Variants in SGCG observed in about 807,000 individuals in gnomAD.
The protein encoded by SGCG is gamma-sarcoglycan.
A neutral mutation model predicts 29.3 loss-of-function variants in SGCG; 26 were observed. The observed-to-expected ratio is 0.89, with a 90% CI of 0.65 to 1.23. The LOEUF (loss-of-function observed/expected upper bound fraction) is 1.23. Among genes scored for constraint, SGCG ranks in the 50% most tolerant of loss-of-function variants. SGCG has a pLI of 0.00. For missense variants in SGCG, 353 were observed against 356.0 expected, an observed-to-expected ratio of 0.99 and a Z score of 0.07; for synonymous variants, 145 against 129.7, an observed-to-expected ratio of 1.12 and a Z score of -0.80.
intron 1 of SGCG, among the ~76,000 whole-genome samples, chr13:23,196,672 T>C (rs1404045327): frequency 1.3e-5 from 2 of 152,186 alleles, no homozygotes; most frequent in African/African-American, 4.8e-5. Context: ...ATATTAACCT[T>C]GTCCTATCTT....
intron 2 of SGCG, among the ~76,000 whole-genome samples, chr13:23,214,430 A>G (rs545342466): frequency 1.3e-5 from 2 of 152,352 alleles, no homozygotes; most frequent in East Asian, 3.9e-4. Flanking sequence ...CAGGGAAAGC[A>G]ATATGTGGGA....
At chr13:23,187,215 ACT>A (rs1471765294) in intron 1 of SGCG, among the ~76,000 whole-genome samples, 3 of 152,052 alleles carry the variant, frequency 2.0e-5, no homozygotes, top group African/African-American at 7.2e-5. Flanking sequence ...TGGGTGAGCC[ACT>A]CTCGCTATGG....
At chr13:23,217,168 A>G (rs570276378) in intron 2 of SGCG, among the ~76,000 whole-genome samples, 6 of 152,092 alleles carry the variant, frequency 3.9e-5, no homozygotes, top group Non-Finnish European at 7.4e-5. Flanking sequence ...TTTATCCTCA[A>G]ATAGTTTCCT....
In SGCG at chr13:23,253,023, T is replaced by C. The variant is rs186404552; in HGVS notation, c.385+2306T>C. Among the ~76,000 whole-genome samples, 525 of 152,292 alleles carry C rather than the reference T, an allele frequency of 3.4e-3. 1 individual carries two copies. Among genetic ancestry groups the C allele is most frequent in the African/African-American group, 0.011 (459 of 41,564 alleles). ...TGTTCTAGTTGCTTCAAATATAGTT[T>C]CCATTTCATTTTTGTCACCAAGAAA... On this transcript the variant is annotated intron_variant, in intron 4 of 7. Transcript: ENST00000218867.
intron 6 of SGCG, among the ~76,000 whole-genome samples, chr13:23,304,658 C>T (rs1372274767): frequency 1.6e-4 from 24 of 151,868 alleles, no homozygotes. Flanking sequence ...GGCTGGAGTG[C>T]AGTGGCAGGA....
intron 6 of SGCG, among the ~76,000 whole-genome samples, chr13:23,307,578 A>T (rs907160132): frequency 2.6e-5 from 4 of 152,098 alleles, no homozygotes; most frequent in Non-Finnish European, 5.9e-5. Context: ...CTTTTAGGAG[A>T]TAGGTTCTAC....
At chr13:23,279,863 G>T (rs1338021564) in intron 5 of SGCG, among the ~76,000 whole-genome samples, 1 of 152,018 alleles carries the variant, frequency 6.6e-6, no homozygotes, top group African/African-American at 2.4e-5. Flanking sequence ...GAGTAGCTGA[G>T]ACTACAGGCA....
At chr13:23,184,942 T>A (rs1316657864) in intron 1 of SGCG, among the ~76,000 whole-genome samples, 1 of 152,230 alleles carries the variant, frequency 6.6e-6, no homozygotes, top group Non-Finnish European at 1.5e-5. Context: ...GCAGTGGGAC[T>A]ATGAGGATTA....
chr13:23,273,386 C>G (rs943804744), intron 4 of SGCG, among the ~76,000 whole-genome samples: 2 of 151,938 alleles, frequency 1.3e-5, no homozygotes, highest in Non-Finnish European at 2.9e-5. Flanking sequence ...GGTTTCACCA[C>G]GTTGGCCAGT....
chr13:23,169,843 A>G, the SGCG span: 3 of 152,228 alleles, frequency 2.0e-5, no homozygotes, highest in Admixed American at 6.5e-5. Flanking sequence ...GTTTTGAACA[A>G]CAAAGGCAAT....
intron 2 of SGCG, among the ~76,000 whole-genome samples, chr13:23,231,003 T>A (rs184820703): frequency 6.6e-6 from 1 of 152,338 alleles, no homozygotes; most frequent in Admixed American, 6.5e-5. Context: ...GAAAGGGTGT[T>A]GAATTTTATT....
chr13:23,180,547 A>T (rs1395132669), upstream of SGCG, among the ~76,000 whole-genome samples: 2 of 152,210 alleles, frequency 1.3e-5, no homozygotes, highest in African/African-American at 2.4e-5. Context: ...ACTAGTATAT[A>T]GGTAATAGTC....
rs775265377 is a variant in SGCG, at chr13:23,250,665, G to A, written c.333G>A (p.Val111=). 2.3e-5 allele frequency: 37 copies of A among 1,613,130 alleles called. No individual in the cohort carries two copies. The South Asian group carries it at 3.7e-4, about 16-fold the overall frequency. The change falls in exon 4 of 8, where the codon GTG becomes GTA. Residue 111 remains valine (V), a synonymous_variant. Transcript: ENST00000218867. ...TGCTTCTACAATCAACCCAGAATGT[G>A]ACTGTAAATGCGCGCAACTCAGAAG... ...SSLLLQSTQN[V]TVNARNSEGE... is the part of the protein sequence containing the mutation.
intron 2 of SGCG, among the ~76,000 whole-genome samples, chr13:23,215,300 G>A (rs972325730): frequency 1.3e-5 from 2 of 152,142 alleles, no homozygotes; most frequent in Non-Finnish European, 1.5e-5. Context: ...AACTGTTAAT[G>A]TCTTCTGGTA....
chr13:23,229,938 T>C (rs1463422041), intron 2 of SGCG, among the ~76,000 whole-genome samples: 1 of 152,264 alleles, frequency 6.6e-6, no homozygotes, highest in Non-Finnish European at 1.5e-5. Context: ...AGTTCTTTAA[T>C]CCATCTTGAG....
chr13:23,173,893 G>A, the SGCG span, among the ~76,000 whole-genome samples: 1 of 152,136 alleles, frequency 6.6e-6, no homozygotes, highest in Non-Finnish European at 1.5e-5. Context: ...ATCTTACTCA[G>A]TGTAAACTAG....
chr13:23,279,021 G>C (rs1220806810), intron 4 of SGCG, among the ~76,000 whole-genome samples: 1 of 152,126 alleles, frequency 6.6e-6, no homozygotes. Context: ...TTCTTAGGTG[G>C]TTAATAACCA....
rs867655487 is a variant in SGCG at position 23,234,668 on chromosome 13, G to C, written c.253G>C (p.Glu85Gln). 1 of 1,612,520 alleles carries C rather than the reference G, an allele frequency of 6.2e-7. No individual in the cohort carries two copies. The highest frequency in any genetic ancestry group is 8.5e-7 in the Non-Finnish European group (1 of 1,178,792). Residue 85 changes from glutamate to glutamine, a missense_variant, in exon 3 of 8, where the codon GAA becomes CAA. By Grantham distance (29) the Glu-to-Gln change is conservative. Transcript: ENST00000218867. ...TGGACTGCGCTTGGAAGGGGAATCA[G>C]AATTTTTATTCCCATTGTATGCCAA... ...KDGLRLEGES[E>Q]FLFPLYAKEI...
intron 4 of SGCG, among the ~76,000 whole-genome samples, chr13:23,265,256 G>GAA (rs138752059): frequency 1.3e-5 from 2 of 149,004 alleles, no homozygotes; most frequent in African/African-American, 4.9e-5. Context: ...AGATCAGCAA[G>GAA]AAAAAAAAAA....
Sources: allele counts gnomAD v4.1 joint callset (sites outside exome capture counted in the v4.1 genomes callset), GRCh38; gene constraint gnomAD v4.1.1; transcripts MANE v1.5; gene names NCBI Gene and HGNC (gene_info 2026-07-23, HGNC 2026-07-21).